Variants in FABP6 observed in about 807,000 individuals in gnomAD.
FABP6 encodes fatty acid binding protein 6.
In FABP6, 13 loss-of-function variants were observed where a neutral mutation model predicts 14.9. The observed-to-expected ratio is 0.87, with a 90% CI of 0.57 to 1.39. FABP6 has a LOEUF of 1.39. Among genes scored for constraint, FABP6 ranks in the 40% most tolerant of loss-of-function variants. The pLI is 0.00. For synonymous variants in FABP6, 75 were observed against 63.6 expected (o/e 1.18, Z -0.85); for missense variants, 161 against 167.2 (o/e 0.96, Z 0.20).
intron 2 of FABP6, among the ~76,000 whole-genome samples, chr5:160,211,561 G>C (rs1011109547): frequency 6.6e-6 from 1 of 152,104 alleles, no homozygotes; most frequent in African/African-American, 2.4e-5. Flanking sequence ...GTCCAAGCTG[G>C]GACTTTGAGT....
chr5:160,191,466 T>TTAAA lies in FABP6; in HGVS notation c.-59+4012_-59+4013insTAAA, dbSNP rs1554111212. Among the ~76,000 whole-genome samples the TTAAA allele has an allele frequency of 1.4e-4, 21 of 150,770 alleles. 1 individual carries two copies. The South Asian group carries it at 4.4e-3, about 32-fold the overall frequency. On this transcript the variant is annotated intron_variant, in intron 1 of 6. Coordinates refer to the FABP6 transcript ENST00000393980. ...TGGGCAACAAGAGTGAAACTCCATC[T>TTAAA]CAAACAAACAAACCCCAAACCTTAC...
At chr5:160,223,566 C>A (rs1466323388) in intron 3 of FABP6, among the ~76,000 whole-genome samples, 3 of 151,642 alleles carry the variant, frequency 2.0e-5, no homozygotes, top group Non-Finnish European at 4.4e-5. Flanking sequence ...GGACTACAGG[C>A]ACACGCCACC....
upstream of FABP6, among the ~76,000 whole-genome samples, chr5:160,229,024 T>G (rs181844706): frequency 2.3e-3 from 349 of 152,274 alleles, 1 homozygote; most frequent in African/African-American, 8.0e-3. Flanking sequence ...AGCCATCTGC[T>G]TTTCTCCTGG....
At chr5:160,227,818 A>ATGTGTGTGTGTGTGTGTGTG (rs776387001), upstream of FABP6, among the ~76,000 whole-genome samples, 1 of 130,774 alleles carries the variant, frequency 7.6e-6, no homozygotes, top group Non-Finnish European at 1.6e-5. Context: ...AAAATCCATG[A>ATGTGTGTGTGTGTGTGTGTG]CGTGTGTGTG....
chr5:160,233,623 C>T (rs1473055762), intron 2 of FABP6, among the ~76,000 whole-genome samples: 2 of 152,098 alleles, frequency 1.3e-5, no homozygotes, highest in African/African-American at 4.8e-5. Flanking sequence ...GCCTGTAATC[C>T]CAGCGCTTTG....
At chr5:160,203,435 G>T (rs1299550605) in intron 2 of FABP6, among the ~76,000 whole-genome samples, 2 of 152,192 alleles carry the variant, frequency 1.3e-5, no homozygotes, top group African/African-American at 4.8e-5. Context: ...CAGAATGAGT[G>T]ACTCCAGTTT....
intron 2 of FABP6, chr5:160,213,642 T>C (rs1367698854): frequency 5.9e-6 from 6 of 1,016,288 alleles, no homozygotes; most frequent in African/African-American, 1.6e-5. Flanking sequence ...AGCGCTGCTA[T>C]GAGGAGCTCT....
chr5:160,204,560 G>A (rs1331950400), intron 2 of FABP6, among the ~76,000 whole-genome samples: 2 of 152,022 alleles, frequency 1.3e-5, no homozygotes, highest in East Asian at 3.9e-4. Flanking sequence ...CGCAATCTTG[G>A]CTCACTGCAA....
At chr5:160,236,984 A>AAAT (rs1379715979) in intron 3 of FABP6, among the ~76,000 whole-genome samples, 1 of 152,096 alleles carries the variant, frequency 6.6e-6, no homozygotes, top group East Asian at 1.9e-4. Context: ...GTCTCAAAAA[A>AAAT]AATAATAATA....
At chr5:160,228,348 A>G (rs538234871), upstream of FABP6, 4 of 446,278 alleles carry the variant, frequency 9.0e-6, no homozygotes, top group African/African-American at 6.0e-5. Context: ...CCGAGATCAC[A>G]CCTTTGCACT....
intron 3 of FABP6, chr5:160,213,880 C>T: frequency 7.5e-7 from 1 of 1,329,804 alleles, no homozygotes; most frequent in Admixed American, 1.7e-5. Flanking sequence ...GGTTCTAGTT[C>T]CTCATGAACC....
chr5:160,231,960 C>A, intron 1 of FABP6, 138 bp from the exon 2 acceptor site: 2 of 920,144 alleles, frequency 2.2e-6, no homozygotes, highest in Non-Finnish European at 3.3e-6. Context: ...CTGTCTCAGG[C>A]ACTGTGCTCT....
At chr5:160,227,924 G>C (rs1436199787), upstream of FABP6, among the ~76,000 whole-genome samples, 1 of 151,490 alleles carries the variant, frequency 6.6e-6, no homozygotes, top group East Asian at 1.9e-4. Context: ...CAAGATTGGA[G>C]ATTAAAGCCT....
At chr5:160,226,659 G>A (rs1278199070), upstream of FABP6, among the ~76,000 whole-genome samples, 1 of 152,120 alleles carries the variant, frequency 6.6e-6, no homozygotes, top group East Asian at 1.9e-4. Context: ...GGCAATAACA[G>A]TACATACTTC....
intron 3 of FABP6, among the ~76,000 whole-genome samples, chr5:160,216,479 G>A (rs1760015904): frequency 6.6e-6 from 1 of 151,890 alleles, no homozygotes; most frequent in Admixed American, 6.6e-5. Flanking sequence ...TGTTGGCCAG[G>A]TTGGTCTCGA....
At chr5:160,213,874 C>CA in intron 3 of FABP6, 1 of 1,436,912 alleles carries the variant, frequency 7.0e-7, no homozygotes, top group Non-Finnish European at 9.8e-7. Context: ...GATTCTGGTT[C>CA]TAGTTCCTCA....
intron 1 of FABP6, among the ~76,000 whole-genome samples, chr5:160,193,581 G>C (rs1759446291): frequency 6.6e-6 from 1 of 152,104 alleles, no homozygotes; most frequent in Non-Finnish European, 1.5e-5. Context: ...TAGATACAAA[G>C]GTTCTCCTCA....
chr5:160,215,311 C>T (rs879749382), intron 3 of FABP6, among the ~76,000 whole-genome samples: 3 of 152,038 alleles, frequency 2.0e-5, no homozygotes, highest in Admixed American at 6.6e-5. Flanking sequence ...GTCAGGAGTT[C>T]GAGACCAGCC....
intron 1 of FABP6, among the ~76,000 whole-genome samples, chr5:160,187,887 G>A (rs1014924335): frequency 6.6e-6 from 1 of 152,046 alleles, no homozygotes; most frequent in African/African-American, 2.4e-5. Flanking sequence ...CAAGTAGCTG[G>A]GATTACAGGC....
Sources: allele counts gnomAD v4.1 joint callset (sites outside exome capture counted in the v4.1 genomes callset), GRCh38; gene constraint gnomAD v4.1.1; transcripts MANE v1.5; gene names NCBI Gene and HGNC (gene_info 2026-07-23, HGNC 2026-07-21).